MCM10: variants seen among roughly 807,000 people sequenced by gnomAD.
The protein encoded by MCM10 is minichromosome maintenance 10 replication initiation factor.
MCM10 carries 91 observed loss-of-function variants against 109.9 expected under a neutral mutation model. The observed-to-expected ratio is 0.83, with a 90% CI of 0.70 to 0.99. MCM10 has a LOEUF of 0.99. MCM10 is among the 50% of genes least tolerant of loss of function. The pLI is 0.00. For missense variants in MCM10, 1,077 were observed against 1,061.2 expected (o/e 1.01, Z -0.21); for synonymous variants, 380 against 387.2 (o/e 0.98, Z 0.22).
rs1224885927 is a variant in MCM10 at position 13,172,450 on chromosome 10, G to A, written c.424G>A (p.Ala142Thr). 3 of 1,614,132 alleles carry A rather than the reference G, an allele frequency of 1.9e-6. No homozygotes were observed. The highest frequency in any genetic ancestry group is 2.5e-6 in the Non-Finnish European group (3 of 1,180,024). Residue 142 changes from alanine (A) to threonine (T), a missense_variant, in exon 4 of 20, where the codon GCA (alanine) becomes ACA (threonine). Ala to Thr is a moderately conservative substitution (Grantham distance 58). Transcript: ENST00000378714. The surrounding 1 kb of genome is among the most constrained non-coding windows in gnomAD (Gnocchi z 5.2). Reference protein sequence around the residue: ...QLKVTTIKQTASPARLQKSPE... With the variant: ...QLKVTTIKQTTSPARLQKSPE... ...AAAAGTAACAACAATTAAACAGACA[G>A]CAAGCCCAGCCCGTCTGCAAAAATC...
At chr10:13,197,221 C>G (rs1293288768) in intron 14 of MCM10, among the ~76,000 whole-genome samples, 1 of 152,192 alleles carries the variant, frequency 6.6e-6, no homozygotes, top group African/African-American at 2.4e-5. Flanking sequence ...TGCCAAGCCC[C>G]ATTTCCATTT....
Position 13,198,077 on chromosome 10 carries a change from T to C in MCM10, c.2119+310T>C, listed in dbSNP as rs531440435. ...ACAAGCGCGCGCCACCACGCCCAGC[T>C]AATTTTTTGTATTTTTAGTATAGAT... On this transcript the variant is annotated intron_variant, in intron 15 of 19. Transcript: ENST00000378714. 5.3e-5 allele frequency among the ~76,000 whole-genome samples: 8 copies of C among 152,204 alleles called. No homozygotes were observed. The South Asian group carries it at 1.7e-3, about 32-fold the overall frequency.
rs768496837 is a variant in MCM10 at position 13,186,213 on chromosome 10, C to G, written c.1148C>G (p.Ala383Gly). The part of the protein sequence containing the change: ...HPQKVLIMGE[A>G]LDLGTCKAKK... ...CAGAAGGTCTTAATTATGGGTGAAG[C>G]TCTTGACCTGGGAACCTGTAAAGCC... The change falls in exon 9 of 20, where the codon GCT becomes GGT. Residue 383 changes from alanine to glycine, a missense_variant. By Grantham distance (60) the Ala-to-Gly change is moderately conservative. Coordinates refer to ENST00000378714, the MANE Select transcript of MCM10 (RefSeq NM_018518.5). 1.1e-5 allele frequency: 18 copies of G among 1,613,190 alleles called. No individual in the cohort carries two copies. In the Admixed American group the frequency reaches 1.7e-4, roughly 15 times the overall value.
At chr10:13,177,508 CTTTTTTTTT>C (rs60316855) in intron 6 of MCM10, among the ~76,000 whole-genome samples, 34,639 of 105,780 alleles carry the variant, frequency 0.33, 5,204 homozygotes, top group East Asian at 0.47. Context: ...GATTTTGGAG[CTTTTTTTTT>C]TTTTTTTTTT....
rs146982076 is a variant in MCM10 at position 13,192,486 on chromosome 10, A to T, written c.1663A>T (p.Ile555Phe). The part of the protein sequence containing the change: ...MGSPKPAIKS[I>F]SASALLKQQK... ...GAGCCCAAAACCAGCCATCAAGTCC[A>T]TCTCGGCCTCAGCACTCTTGAAGCA... The change falls in exon 13 of 20, where the codon ATC becomes TTC. Residue 555 changes from isoleucine (I) to phenylalanine (F), a missense_variant. Ile to Phe is a conservative substitution (Grantham distance 21). Transcript: ENST00000378714. 8.1e-6 allele frequency: 13 copies of T among 1,614,174 alleles called. No homozygotes were observed. The highest frequency in any genetic ancestry group is 3.3e-5 in the South Asian group (3 of 91,082).
chr10:13,190,320 C>T (rs1834330397), intron 10 of MCM10, among the ~76,000 whole-genome samples: 1 of 152,160 alleles, frequency 6.6e-6, no homozygotes, highest in African/African-American at 2.4e-5. Context: ...GTATATTAGT[C>T]TTTTAAAAGA....
intron 6 of MCM10, among the ~76,000 whole-genome samples, chr10:13,177,615 T>C (rs1834159085): frequency 6.6e-6 from 1 of 150,744 alleles, no homozygotes; most frequent in Non-Finnish European, 1.5e-5. Flanking sequence ...CTTACACCTG[T>C]AATCCCAGCA....
Position 13,204,464 on chromosome 10 carries a change from C to T in MCM10, c.2498+100C>T, listed in dbSNP as rs1834543206. On this transcript the variant is annotated intron_variant, in intron 18 of 19. Transcript: ENST00000378714. ...CCCTTGGAACGTTGGATGATCATTCCATGCCTTCCTATAGCTCCAGGCTAC... is the reference window on the plus strand; with the variant it reads ...CCCTTGGAACGTTGGATGATCATTCTATGCCTTCCTATAGCTCCAGGCTAC... 2.1e-6 allele frequency: 3 copies of T among 1,436,108 alleles called. No individual in the cohort carries two copies. The East Asian group carries it at 6.9e-5, about 33-fold the overall frequency. 89.0% of individuals were successfully genotyped at this position (1,436,108 alleles called of 1,614,324 possible). A position where few individuals can be genotyped will look rare whatever the true frequency, so the allele number is the denominator to read the frequency against.
intron 9 of MCM10, among the ~76,000 whole-genome samples, chr10:13,186,857 T>C (rs1202135140): frequency 1.3e-5 from 2 of 151,934 alleles, no homozygotes; most frequent in Non-Finnish European, 2.9e-5. Flanking sequence ...GCGGTCATGG[T>C]GGTGGGCGCC....
chr10:13,207,630 C>T (rs995913241), intron 18 of MCM10, among the ~76,000 whole-genome samples: 1 of 152,160 alleles, frequency 6.6e-6, no homozygotes, highest in Non-Finnish European at 1.5e-5. Context: ...GGGCTGTTCT[C>T]ATGAAAACAA....
intron 6 of MCM10, among the ~76,000 whole-genome samples, chr10:13,177,870 T>A: frequency 6.7e-6 from 1 of 149,750 alleles, no homozygotes. Flanking sequence ...AAAAGTTTCC[T>A]CAGAACTGAG....
intron 15 of MCM10, among the ~76,000 whole-genome samples, chr10:13,198,000 C>T (rs1834445741): frequency 6.6e-6 from 1 of 151,596 alleles, no homozygotes; most frequent in African/African-American, 2.4e-5. Context: ...ACAGCCTCTG[C>T]CTCCTGGGTT....
chr10:13,203,164 T>C (rs547059278), intron 17 of MCM10, among the ~76,000 whole-genome samples: 53 of 152,216 alleles, frequency 3.5e-4, no homozygotes, highest in Admixed American at 3.9e-4. Flanking sequence ...ACATTTATTA[T>C]CTCTTATGTA....
At chr10:13,187,499 G>A (rs1834290740) in intron 9 of MCM10, among the ~76,000 whole-genome samples, 1 of 152,206 alleles carries the variant, frequency 6.6e-6, no homozygotes, top group Admixed American at 6.5e-5. Flanking sequence ...ATACCTGGGA[G>A]TGGGATTGCT....
At chr10:13,185,271 C>T (rs1379165209) in intron 8 of MCM10, among the ~76,000 whole-genome samples, 2 of 152,158 alleles carry the variant, frequency 1.3e-5, no homozygotes, top group Non-Finnish European at 2.9e-5. Flanking sequence ...TTATTGAGCT[C>T]AAGTGTTGTA....
Position 13,195,111 on chromosome 10 carries a change from C to T in MCM10, c.1816C>T (p.Pro606Ser). 6.2e-7 allele frequency: 1 copy of T among 1,614,194 alleles called. No individual in the cohort carries two copies. The highest frequency in any genetic ancestry group is 1.1e-5 in the South Asian group (1 of 91,078). ...PSSSRQPPAQ[P>S]PRTGSEFPRL... ...TTCATCAAGACAGCCCCCTGCTCAG[C>T]CTCCACGGACAGGATCCGAGTTCCC... The change falls in exon 14 of 20, where the codon CCT (proline) becomes TCT (serine). Residue 606 changes from proline (P) to serine (S), a missense_variant. Transcript: ENST00000378714.
At chr10:13,180,655 T>C in intron 7 of MCM10, 48 bp downstream of exon 7, 1 of 1,597,266 alleles carries the variant, frequency 6.3e-7, no homozygotes, top group Admixed American at 1.7e-5. Context: ...AAACTGACAG[T>C]GGGAATTCGA....
At chr10:13,196,060 C>T (rs1834416917) in intron 14 of MCM10, among the ~76,000 whole-genome samples, 1 of 152,062 alleles carries the variant, frequency 6.6e-6, no homozygotes, top group African/African-American at 2.4e-5. Context: ...GCACATGCCA[C>T]CACGCCTTGG....
chr10:13,190,830 TTAA>T (rs34739373), intron 10 of MCM10, among the ~76,000 whole-genome samples: 22,748 of 152,192 alleles, frequency 0.15, 2,017 homozygotes, highest in South Asian at 0.2. Context: ...TGTAAAATAA[TTAA>T]TGTTTTTCTC....
Sources: gnomAD v4.1 joint callset for allele counts (sites outside exome capture counted in the v4.1 genomes callset) on GRCh38, gnomAD v4.1.1 for gene constraint, Gnocchi (gnomAD v3.1) non-coding constraint, MANE v1.5 for transcripts, NCBI Gene and HGNC (gene_info 2026-07-23, HGNC 2026-07-21) for gene names.